Variants in HYAL1 observed in about 807,000 individuals in gnomAD.
HYAL1 encodes the protein hyaluronidase 1.
In HYAL1, 21 loss-of-function variants were observed where a neutral mutation model predicts 28.8. That is an observed-to-expected ratio of 0.73 (90% CI 0.52 to 1.05). The LOEUF is 1.05. HYAL1 is among the 50% of genes least tolerant of loss of function. The pLI is 0.00. For missense variants in HYAL1, 491 were observed against 579.2 expected (o/e 0.85, Z 1.56); for synonymous variants, 200 against 230.1 (o/e 0.87, Z 1.18).
chr3:50,304,548 C>T (rs1388460248), upstream of HYAL1, among the ~76,000 whole-genome samples: 4 of 150,606 alleles, frequency 2.7e-5, no homozygotes, highest in Admixed American at 6.6e-5. Context: ...CTGGGTTACA[C>T]TATTATATAT....
rs1317700886 is a variant in HYAL1, at chr3:50,309,432, C to G, written c.-191+227G>C. Among the ~76,000 whole-genome samples the G allele has an allele frequency of 3.5e-5, 5 of 144,442 alleles. 1 individual carries two copies. Among genetic ancestry groups the G allele is most frequent in the African/African-American group, 1.3e-4 (5 of 37,920 alleles). The allele number at this position is 144,442 out of a possible 152,430, so 94.8% of individuals were successfully genotyped here. A position where few individuals can be genotyped will look rare whatever the true frequency, so the allele number is the denominator to read the frequency against. On this transcript the variant is annotated intron_variant, in intron 2 of 5. Transcript: ENST00000320295. ...TGAGCTGAGATTGCACCATTGCACTCCAGCCTGGGCAACAGAGCCAGACTC... is the reference window on the plus strand; with the variant it reads ...TGAGCTGAGATTGCACCATTGCACTGCAGCCTGGGCAACAGAGCCAGACTC...
At chr3:50,307,703 A>C (rs1414027845), upstream of HYAL1, among the ~76,000 whole-genome samples, 1 of 147,420 alleles carries the variant, frequency 6.8e-6, no homozygotes, top group Non-Finnish European at 1.5e-5. Flanking sequence ...AAAAAAAAAA[A>C]ACCCAAAATA....
chr3:50,302,755 C>T lies in HYAL1; in HGVS notation c.202G>A (p.Gly68Ser), dbSNP rs782652787. Residue 68 changes from glycine (G) to serine (S), a missense_variant, in exon 2 of 4, where the codon GGC (glycine) becomes AGC (serine). By Grantham distance (56) the Gly-to-Ser change is moderately conservative (BLOSUM62 0). Transcript: ENST00000395144. The surrounding 1 kb of genome is among the most constrained non-coding windows in gnomAD (Gnocchi z 5.0). Reference sequence around the variant, plus strand: ...CTATAGAAAATTGTCATGTCAGGGCCGCGGAAGGTCTGCCCTGGGTTGGCT... The same window carrying T: ...CTATAGAAAATTGTCATGTCAGGGCTGCGGAAGGTCTGCCCTGGGTTGGCT... The part of the protein sequence containing the change: ...VVANPGQTFR[G>S]PDMTIFYSSQ... 51 of 1,613,846 alleles carry T rather than the reference C, an allele frequency of 3.2e-5. No homozygotes were observed. Among genetic ancestry groups the T allele is most frequent in the Non-Finnish European group, 3.3e-5 (39 of 1,180,020 alleles).
chr3:50,309,427 G>T (rs1245642867), intron 2 of HYAL1, among the ~76,000 whole-genome samples: 2 of 136,570 alleles, frequency 1.5e-5, no homozygotes, highest in East Asian at 4.7e-4. Context: ...TTGCACCATT[G>T]CACTCCAGCC....
At chr3:50,310,240 G>A (rs1553714559) in intron 1 of HYAL1, among the ~76,000 whole-genome samples, 2 of 147,912 alleles carry the variant, frequency 1.4e-5, no homozygotes, top group African/African-American at 5.1e-5. Context: ...TTCCTAATTT[G>A]GAGTCACTGA....
At chr3:50,307,680 GAAAAA>G (rs1160592800), upstream of HYAL1, among the ~76,000 whole-genome samples, 1 of 24,984 alleles carries the variant, frequency 4.0e-5, no homozygotes, top group African/African-American at 1.5e-4. Context: ...GACTCCATCT[GAAAAA>G]AAAAAAAAAA....
At position 50,302,503 on chromosome 3, in the gene HYAL1, G is replaced by A. The variant is rs587774476; in HGVS notation, c.454C>T (p.Arg152Trp). ...GGGTGCTGTGCCTGTACCAGTGCCCGTGAGCGCTGCCGGTAAATGTCCTTG... is the reference window on the plus strand; with the variant it reads ...GGGTGCTGTGCCTGTACCAGTGCCCATGAGCGCTGCCGGTAAATGTCCTTG... The part of the protein sequence containing the change: ...DTKDIYRQRS[R>W]ALVQAQHPDW... The change falls in exon 2 of 4, where the codon CGG (arginine) becomes TGG (tryptophan). Residue 152 changes from arginine to tryptophan, a missense_variant. Physicochemically the swap from Arg to Trp is moderately radical, Grantham distance 101. Coordinates refer to ENST00000395144, the MANE Select transcript of HYAL1 (RefSeq NM_033159.4). This position sits in a 1 kb window ranked among gnomAD's most constrained non-coding sequence, Gnocchi z 5.0. 350 of 1,614,208 alleles carry A rather than the reference G, an allele frequency of 2.2e-4. 6 individuals are homozygous for A. The South Asian group carries it at 3.6e-3, about 16-fold the overall frequency.
At chr3:50,311,709 G>C (rs1293717551) in intron 1 of HYAL1, among the ~76,000 whole-genome samples, 2 of 146,684 alleles carry the variant, frequency 1.4e-5, no homozygotes, top group Non-Finnish European at 3.0e-5. Context: ...GCGGCAGGCC[G>C]GGCGTGGGGC....
In HYAL1 at chr3:50,300,121, A is replaced by G. The variant is rs972237393; in HGVS notation, c.*362T>C. On this transcript the variant is annotated 3_prime_UTR_variant, in exon 4 of 4. Transcript: ENST00000395144. ...CTCATAGCCTCATTGTGAGGAATGAATAAGTCCACATAAAACGCTTAGCAC... is the reference window on the plus strand; with the variant it reads ...CTCATAGCCTCATTGTGAGGAATGAGTAAGTCCACATAAAACGCTTAGCAC... The G allele has an allele frequency of 1.8e-5, 6 of 338,550 alleles. No homozygotes were observed. Among genetic ancestry groups the G allele is most frequent in the Non-Finnish European group, 3.4e-5 (6 of 175,340 alleles). The allele number at this position is 338,550 out of a possible 1,614,324, so 21.0% of individuals were successfully genotyped here.
rs1172896410 is a variant in HYAL1, at chr3:50,310,917, G to A, written c.-309-1140C>T. Among the ~76,000 whole-genome samples the A allele has an allele frequency of 4.6e-5, 7 of 151,796 alleles. No individual in the cohort carries two copies. The South Asian group carries it at 1.2e-3, about 27-fold the overall frequency. ...TGTTTCAGAGAGCACAGGGTTGGGG[G>A]TAAGGTCACAGATCAACAGGATCCC... On this transcript the variant is annotated intron_variant, in intron 1 of 5. Transcript: ENST00000320295.
chr3:50,300,429 G>T lies in HYAL1; in HGVS notation c.*54C>A. The T allele has an allele frequency of 6.3e-7, 1 of 1,578,102 alleles. No individual in the cohort carries two copies. The highest frequency in any genetic ancestry group is 8.7e-7 in the Non-Finnish European group (1 of 1,147,904). On this transcript the variant is annotated 3_prime_UTR_variant, in exon 4 of 4. Transcript: ENST00000395144. ...TGTGCATGTATTTGAGGAAGCCCTG[G>T]CCAGACCCAGAGTGCATTAGGTTCT...
chr3:50,307,819 G>A (rs1407510562), upstream of HYAL1, among the ~76,000 whole-genome samples: 8 of 144,194 alleles, frequency 5.5e-5, no homozygotes, highest in East Asian at 2.0e-4. Flanking sequence ...TTTTTGAGAC[G>A]GAGTCTCGCT....
upstream of HYAL1, among the ~76,000 whole-genome samples, chr3:50,305,623 G>T (rs927564274): frequency 7.1e-6 from 1 of 141,724 alleles, no homozygotes; most frequent in African/African-American, 2.7e-5. Flanking sequence ...GCAACCTCTG[G>T]CTCCCGGGTT....
At chr3:50,304,934 G>A (rs1191649390), upstream of HYAL1, among the ~76,000 whole-genome samples, 3 of 152,216 alleles carry the variant, frequency 2.0e-5, no homozygotes, top group African/African-American at 7.2e-5. Context: ...AGCTGTCAGT[G>A]AGCACATGCT....
chr3:50,300,426 C>A lies in HYAL1; in HGVS notation c.*57G>T. ...GACTGTGCATGTATTTGAGGAAGCC[C>A]TGGCCAGACCCAGAGTGCATTAGGT... On this transcript the variant is annotated 3_prime_UTR_variant, in exon 4 of 4. Transcript: ENST00000395144. 1.9e-6 allele frequency: 3 copies of A among 1,575,776 alleles called. No homozygotes were observed. In the South Asian group the frequency reaches 3.3e-5, roughly 17 times the overall value.
upstream of HYAL1, among the ~76,000 whole-genome samples, chr3:50,304,981 G>GAA (rs1210172210): frequency 1.3e-5 from 2 of 152,206 alleles, no homozygotes; most frequent in African/African-American, 4.8e-5. Context: ...TTCAATATGT[G>GAA]AAAGGAAAAT....
chr3:50,307,742 T>C (rs1026401702), upstream of HYAL1, among the ~76,000 whole-genome samples: 1 of 141,780 alleles, frequency 7.1e-6, no homozygotes, highest in Non-Finnish European at 1.5e-5. Context: ...TCAGAACAAA[T>C]TGGAAAGTCC....
In HYAL1 at chr3:50,300,761, G is replaced by A. The variant is rs1239924466; in HGVS notation, c.1030C>T (p.Leu344=). 4 of 1,614,062 alleles carry A rather than the reference G, an allele frequency of 2.5e-6. No individual in the cohort carries two copies. Among genetic ancestry groups the A allele is most frequent in the Admixed American group, 3.3e-5 (2 of 59,988 alleles). Residue 344 remains leucine (L), a synonymous_variant, in exon 4 of 4, where the codon CTG becomes TTG. Coordinates refer to ENST00000395144, the MANE Select transcript of HYAL1 (RefSeq NM_033159.4). ...GTCACGTTCAGGATGAAGGGCCCCA[G>A]TGTAGTGTCCATATACTCCTTGATG... ...QAIKEYMDTT[L]GPFILNVTSG...
rs868962649 is a variant in HYAL1 at position 50,302,950 on chromosome 3, C to T, written c.7G>A (p.Ala3Thr). The T allele has an allele frequency of 2.6e-6, 4 of 1,567,570 alleles. No homozygotes were observed. The South Asian group carries it at 4.8e-5, about 19-fold the overall frequency. MAAHLLPICALFL... is the reference protein window; with the variant it reads MATHLLPICALFL... ...AGGGCGCAGATGGGAAGCAGGTGGGCTGCCATGGCACGGGACTGGTCGAGG... is the reference window on the plus strand; with the variant it reads ...AGGGCGCAGATGGGAAGCAGGTGGGTTGCCATGGCACGGGACTGGTCGAGG... Residue 3 changes from alanine to threonine, a missense_variant, in exon 2 of 4, where the codon GCC becomes ACC. Transcript: ENST00000395144. This position sits in a 1 kb window ranked among gnomAD's most constrained non-coding sequence, Gnocchi z 5.0.
Sources: allele counts gnomAD v4.1 joint callset (sites outside exome capture counted in the v4.1 genomes callset), GRCh38; gene constraint gnomAD v4.1.1; non-coding constraint Gnocchi (gnomAD v3.1); transcripts MANE v1.5; gene names NCBI Gene and HGNC (gene_info 2026-07-23, HGNC 2026-07-21).